The following TAF4B variants were observed in gnomAD, a reference collection of about 807,000 sequenced individuals.
TAF4B encodes transcription initiation factor TFIID subunit 4B.
TAF4B carries 38 observed loss-of-function variants against 86.4 expected under a neutral mutation model. That is an observed-to-expected ratio of 0.44 (90% CI 0.34 to 0.58). TAF4B has a LOEUF of 0.58. TAF4B is among the 20% of genes least tolerant of loss of function. TAF4B has a pLI of 0.02. For synonymous variants in TAF4B, 388 were observed against 391.2 expected, an observed-to-expected ratio of 0.99 and a Z score of 0.10; for missense variants, 988 against 1,027.6, an observed-to-expected ratio of 0.96 and a Z score of 0.53.
rs915636136 is a variant in TAF4B at position 26,317,425 on chromosome 18, G to A, written c.2002+2027G>A. 2.0e-5 allele frequency among the ~76,000 whole-genome samples: 3 copies of A among 152,102 alleles called. 1 individual carries two copies. The highest frequency in any genetic ancestry group is 4.1e-4 in the South Asian group (2 of 4,828). On this transcript the variant is annotated intron_variant, in intron 10 of 14. Coordinates refer to ENST00000269142, the MANE Select transcript of TAF4B (RefSeq NM_005640.3). The stretch of plus-strand genomic sequence containing the variant: ...AGCATTTTTGATCACTTAGGACAGG[G>A]ATAAGCAACTTTTTCCTTCAAAGGG...
intron 6 of TAF4B, among the ~76,000 whole-genome samples, chr18:26,284,717 C>G (rs2056489245): frequency 6.6e-6 from 1 of 151,938 alleles, no homozygotes; most frequent in African/African-American, 2.4e-5. Flanking sequence ...CTAAAAAATA[C>G]AAAAATTAGC....
intron 14 of TAF4B, among the ~76,000 whole-genome samples, chr18:26,378,206 G>C (rs866965066): frequency 1.3e-5 from 2 of 152,088 alleles, no homozygotes; most frequent in Non-Finnish European, 2.9e-5. Context: ...ATTGCACATC[G>C]TGAGGGGGCA....
intron 9 of TAF4B, among the ~76,000 whole-genome samples, chr18:26,314,492 T>A (rs765615731): frequency 3.3e-5 from 5 of 152,216 alleles, no homozygotes; most frequent in Non-Finnish European, 5.9e-5. Context: ...TGTGTGTATA[T>A]GTACATGAGT....
chr18:26,351,491 A>G (rs895258446), intron 13 of TAF4B, among the ~76,000 whole-genome samples: 2 of 152,194 alleles, frequency 1.3e-5, no homozygotes, highest in Non-Finnish European at 2.9e-5. Context: ...TCAAGTAGCT[A>G]CAAGGAGGCT....
intron 13 of TAF4B, among the ~76,000 whole-genome samples, chr18:26,356,133 C>T (rs2057286944): frequency 6.6e-6 from 1 of 152,090 alleles, no homozygotes; most frequent in Non-Finnish European, 1.5e-5. Flanking sequence ...ATCAAGGTGC[C>T]AGCAGATTTG....
intron 13 of TAF4B, among the ~76,000 whole-genome samples, chr18:26,356,203 T>G (rs149463170): frequency 6.6e-6 from 1 of 152,226 alleles, no homozygotes; most frequent in Non-Finnish European, 1.5e-5. Flanking sequence ...GGCGAGGGGT[T>G]TCTCTTAAGT....
In TAF4B at chr18:26,265,282, G is replaced by A. The variant is rs201999476; in HGVS notation, c.456G>A (p.Ala152=). ...SNITSRPAVP[A]NPQTVKICTV... ...TAACCTCAAGGCCAGCAGTACCAGCGAATCCTCAAACAGTCAAAATCTGTA... is the reference window on the plus strand; with the variant it reads ...TAACCTCAAGGCCAGCAGTACCAGCAAATCCTCAAACAGTCAAAATCTGTA... Residue 152 remains alanine (A), a synonymous_variant, in exon 2 of 15, where the codon GCG becomes GCA. Transcript: ENST00000269142. 245 of 1,613,856 alleles carry A rather than the reference G, an allele frequency of 1.5e-4. No homozygotes were observed. The highest frequency in any genetic ancestry group is 2.0e-4 in the Non-Finnish European group (236 of 1,179,966).
chr18:26,355,887 T>C (rs957378470), intron 13 of TAF4B, among the ~76,000 whole-genome samples: 3 of 152,214 alleles, frequency 2.0e-5, no homozygotes, highest in African/African-American at 7.2e-5. Context: ...CAACAAGAGA[T>C]ATTTTATAAC....
At chr18:26,255,578 GACA>G (rs2056069942) in intron 1 of TAF4B, 1 of 594,760 alleles carries the variant, frequency 1.7e-6, no homozygotes, top group Non-Finnish European at 2.8e-6. Context: ...CTCCAGCCTG[GACA>G]ACAAGAGCAA....
intron 9 of TAF4B, among the ~76,000 whole-genome samples, chr18:26,298,901 G>GT (rs1449043222): frequency 2.8e-5 from 3 of 106,830 alleles, no homozygotes; most frequent in Admixed American, 1.4e-4. Context: ...TGCTCTTGTT[G>GT]CCCAGGCTAG....
chr18:26,346,885 A>ATATATATGTGTGTG (rs1567914228), intron 13 of TAF4B, among the ~76,000 whole-genome samples: 270 of 12,466 alleles, frequency 0.022, 55 homozygotes, highest in Non-Finnish European at 0.04. Context: ...GTGTATATAT[A>ATATATATGTGTGTG]TATATATATA....
intron 13 of TAF4B, 107 bp from the exon 14 acceptor site, chr18:26,357,582 AT>A: frequency 1.5e-6 from 1 of 661,638 alleles, no homozygotes; most frequent in Non-Finnish European, 2.4e-6. Flanking sequence ...TTTATTTTAT[AT>A]TGTAACTTTA....
intron 13 of TAF4B, 22 bp downstream of exon 13, chr18:26,335,253 G>A (rs758423262): frequency 6.8e-6 from 11 of 1,607,724 alleles, no homozygotes; most frequent in South Asian, 1.1e-5. Context: ...AAGTTACCAT[G>A]CTTGTCTTTG....
At chr18:26,327,257 C>G in intron 12 of TAF4B, 117 bp downstream of exon 12, 4 of 1,315,250 alleles carry the variant, frequency 3.0e-6, no homozygotes, top group Non-Finnish European at 4.0e-6. Context: ...AGAGGATTTC[C>G]TAAAACGAAA....
intron 9 of TAF4B, among the ~76,000 whole-genome samples, chr18:26,305,711 T>C (rs1432854080): frequency 6.6e-6 from 1 of 152,208 alleles, no homozygotes; most frequent in East Asian, 1.9e-4. Context: ...TGTTTTCGAT[T>C]GTTATAACAT....
intron 1 of TAF4B, among the ~76,000 whole-genome samples, chr18:26,252,985 T>C (rs973002268): frequency 3.3e-5 from 5 of 152,138 alleles, no homozygotes; most frequent in Admixed American, 6.6e-5. Context: ...TGTGGAACCT[T>C]ATGAGATCAT....
intron 5 of TAF4B, among the ~76,000 whole-genome samples, chr18:26,278,828 G>A (rs2056413169): frequency 6.6e-6 from 1 of 152,114 alleles, no homozygotes; most frequent in South Asian, 2.1e-4. Flanking sequence ...ATGCTTAATA[G>A]TGTAAGCAAT....
chr18:26,261,382 A>T (rs1214887872), intron 1 of TAF4B, among the ~76,000 whole-genome samples: 7 of 151,544 alleles, frequency 4.6e-5, no homozygotes, highest in Non-Finnish European at 8.8e-5. Context: ...TTGTATTTTT[A>T]GTAGAGACGG....
intron 14 of TAF4B, among the ~76,000 whole-genome samples, chr18:26,389,424 T>TA (rs1217784301): frequency 1.3e-5 from 2 of 151,770 alleles, no homozygotes; most frequent in African/African-American, 2.4e-5. Context: ...TGCATACATT[T>TA]AAAGTCTACA....
Sources: gnomAD v4.1 joint callset for allele counts (sites outside exome capture counted in the v4.1 genomes callset) on GRCh38, gnomAD v4.1.1 for gene constraint, MANE v1.5 for transcripts, NCBI Gene and HGNC (gene_info 2026-07-23, HGNC 2026-07-21) for gene names.